Variants in CTNNA3 observed in about 807,000 individuals in gnomAD.
The protein encoded by CTNNA3 is catenin alpha-3.
In CTNNA3, 76 loss-of-function variants were observed where a neutral mutation model predicts 95.7. That is an observed-to-expected ratio of 0.79 (90% CI 0.66 to 0.96). The LOEUF is 0.96. Among genes scored for constraint, CTNNA3 ranks in the 40% least tolerant of loss-of-function variants. CTNNA3 has a pLI of 0.00. For synonymous variants in CTNNA3, 431 were observed against 374.4 expected (o/e 1.15, Z -1.74); for missense variants, 1,191 against 1,089.8 (o/e 1.09, Z -1.31).
intron 7 of CTNNA3, among the ~76,000 whole-genome samples, chr10:66,797,054 T>C (rs1488757722): frequency 6.6e-6 from 1 of 151,782 alleles, no homozygotes; most frequent in Non-Finnish European, 1.5e-5. Flanking sequence ...AGAAGAAAAC[T>C]ACAATAAGCA....
chr10:66,295,770 T>C (rs1396595590), intron 12 of CTNNA3, among the ~76,000 whole-genome samples: 1 of 152,166 alleles, frequency 6.6e-6, no homozygotes, highest in Non-Finnish European at 1.5e-5. Flanking sequence ...GCTCAGGAAA[T>C]AACCTGTCAG....
chr10:67,283,003 T>C (rs558947460), intron 5 of CTNNA3, among the ~76,000 whole-genome samples: 1 of 152,178 alleles, frequency 6.6e-6, no homozygotes, highest in Non-Finnish European at 1.5e-5. Flanking sequence ...AATTATCTAA[T>C]CTATTTTGTT....
At chr10:67,495,008 A>C (rs1243438370) in intron 5 of CTNNA3, among the ~76,000 whole-genome samples, 2 of 152,238 alleles carry the variant, frequency 1.3e-5, no homozygotes, top group Non-Finnish European at 2.9e-5. Flanking sequence ...ACATAATTCT[A>C]CTAGAAAATT....
intron 3 of CTNNA3, among the ~76,000 whole-genome samples, chr10:67,559,108 C>A (rs1465911126): frequency 6.6e-6 from 1 of 152,194 alleles, no homozygotes; most frequent in East Asian, 1.9e-4. Context: ...ACTTAAATGT[C>A]CCTGTCTGAC....
intron 12 of CTNNA3, among the ~76,000 whole-genome samples, chr10:66,347,210 A>T (rs1289365000): frequency 6.6e-6 from 1 of 152,126 alleles, no homozygotes; most frequent in Non-Finnish European, 1.5e-5. Flanking sequence ...AAGTTTCAAT[A>T]CATTAAATGA....
chr10:66,938,627 T>C (rs531379903), intron 7 of CTNNA3, among the ~76,000 whole-genome samples: 2 of 152,214 alleles, frequency 1.3e-5, no homozygotes, highest in East Asian at 3.9e-4. Flanking sequence ...CACGTGTGAG[T>C]AGACTCATGC....
chr10:66,048,740 G>A (rs191132954), intron 15 of CTNNA3, among the ~76,000 whole-genome samples: 32 of 152,136 alleles, frequency 2.1e-4, no homozygotes, highest in Non-Finnish European at 4.0e-4. Flanking sequence ...CAGTCTGGGC[G>A]GCAGAGCGAG....
intron 11 of CTNNA3, among the ~76,000 whole-genome samples, chr10:66,444,355 T>C (rs1224359693): frequency 6.6e-6 from 1 of 151,746 alleles, no homozygotes; most frequent in South Asian, 2.1e-4. Context: ...GAAGAGCAAC[T>C]CCAAGACACA....
intron 5 of CTNNA3, among the ~76,000 whole-genome samples, chr10:67,328,793 G>A (rs772911120): frequency 5.9e-5 from 9 of 152,168 alleles, no homozygotes; most frequent in African/African-American, 1.7e-4. Context: ...CATGAGAGCC[G>A]TTCCACCTGC....
At chr10:66,456,366 G>A (rs892145474) in intron 11 of CTNNA3, among the ~76,000 whole-genome samples, 2 of 152,138 alleles carry the variant, frequency 1.3e-5, no homozygotes, top group Non-Finnish European at 1.5e-5. Flanking sequence ...GAAATATATG[G>A]CCAAGTGAAT....
chr10:66,432,150 C>G (rs1166705770), intron 11 of CTNNA3, among the ~76,000 whole-genome samples: 1 of 151,224 alleles, frequency 6.6e-6, no homozygotes, highest in African/African-American at 2.4e-5. Context: ...AAATTTAGAA[C>G]AATAAAAGGT....
intron 7 of CTNNA3, among the ~76,000 whole-genome samples, chr10:66,855,580 C>T (rs1245409537): frequency 6.6e-6 from 1 of 151,790 alleles, no homozygotes; most frequent in Non-Finnish European, 1.5e-5. Context: ...CAATCAAGGC[C>T]AAATCCATGT....
chr10:67,727,643 TTA>T (rs1564841756), intron 1 of CTNNA3, among the ~76,000 whole-genome samples: 1 of 128,216 alleles, frequency 7.8e-6, no homozygotes, highest in African/African-American at 2.9e-5. Flanking sequence ...ATATTATATA[TTA>T]TTATATTATA....
chr10:66,967,731 CATAAAG>C (rs961538285), intron 7 of CTNNA3, among the ~76,000 whole-genome samples: 13 of 151,974 alleles, frequency 8.6e-5, no homozygotes, highest in African/African-American at 2.9e-4. Flanking sequence ...AGGTGTGAAA[CATAAAG>C]ATAAGAGTGC....
intron 9 of CTNNA3, among the ~76,000 whole-genome samples, chr10:66,676,806 G>C (rs1364605522): frequency 2.0e-5 from 3 of 152,128 alleles, no homozygotes; most frequent in Non-Finnish European, 4.4e-5. Flanking sequence ...AGAGTCAATA[G>C]TTAATAAACA....
intron 7 of CTNNA3, among the ~76,000 whole-genome samples, chr10:66,869,675 T>A (rs1424492107): frequency 1.3e-5 from 2 of 152,036 alleles, no homozygotes; most frequent in Non-Finnish European, 2.9e-5. Flanking sequence ...TTGGAGATTA[T>A]TTGGGGCATG....
chr10:66,519,700 T>C (rs1840989705), intron 11 of CTNNA3, among the ~76,000 whole-genome samples: 1 of 152,202 alleles, frequency 6.6e-6, no homozygotes, highest in Non-Finnish European at 1.5e-5. Flanking sequence ...ATTTCTAGAC[T>C]GAACCTTTGT....
chr10:67,141,475 G>T (rs2132041947), intron 7 of CTNNA3, among the ~76,000 whole-genome samples: 1 of 152,246 alleles, frequency 6.6e-6, no homozygotes. Flanking sequence ...GGGAAGTGTG[G>T]TCATGTACGG....
At chr10:66,691,085 T>C (rs1470478692) in intron 9 of CTNNA3, among the ~76,000 whole-genome samples, 7 of 152,150 alleles carry the variant, frequency 4.6e-5, no homozygotes, top group Non-Finnish European at 1.0e-4. Context: ...TTCATCTCAC[T>C]AGGGAGTGCC....
Sources: gnomAD v4.1 joint callset for allele counts (sites outside exome capture counted in the v4.1 genomes callset) on GRCh38, gnomAD v4.1.1 for gene constraint, MANE v1.5 for transcripts, NCBI Gene and HGNC (gene_info 2026-07-23, HGNC 2026-07-21) for gene names.